Variants in LRP1B observed in about 807,000 individuals in gnomAD.
LRP1B encodes low-density lipoprotein receptor-related protein 1B.
Under a neutral mutation model 556.6 loss-of-function variants are expected in LRP1B, and 217 were observed. That is an observed-to-expected ratio of 0.39 (90% CI 0.35 to 0.44). The LOEUF (loss-of-function observed/expected upper bound fraction) is 0.44, where lower values mean the gene tolerates loss of function less well. Ranked by LOEUF, LRP1B falls within the 20% of genes least tolerant of loss-of-function variation. The probability of loss-of-function intolerance (pLI) is 1.00; values close to 1 mark genes in which losing one functional copy is unlikely to be tolerated. For synonymous variants in LRP1B, 2,047 were observed against 1,865.8 expected (o/e 1.10, Z -2.50); for missense variants, 5,053 against 5,620.8 (o/e 0.90, Z 3.23).
intron 63 of LRP1B, 105 bp downstream of exon 63, chr2:140,450,463 T>G: frequency 1.2e-6 from 1 of 842,662 alleles, no homozygotes; most frequent in Non-Finnish European, 1.9e-6. Flanking sequence ...ATTTCAATTT[T>G]GGAAAAGTGT....
In LRP1B at chr2:140,353,047, G is replaced by A; in HGVS notation, c.11556C>T (p.Gly3852=). Residue 3852 remains glycine (G), a synonymous_variant, in exon 76 of 91, where the codon GGC becomes GGT. Transcript: ENST00000389484. ...CATTTATACATTGATGGGAACATGT[G>A]CCAAACACCAAACATTCATTAAGGT... is the stretch of plus-strand genomic sequence containing the variant. ...CEDLNECLVF[G]TCSHQCINVE... 1.2e-6 allele frequency: 2 copies of A among 1,612,756 alleles called. No homozygotes were observed. Among genetic ancestry groups the A allele is most frequent in the Non-Finnish European group, 1.7e-6 (2 of 1,179,352 alleles).
rs147393331 is a variant in LRP1B, at chr2:140,671,571, C to T, written c.6799+28679G>A. ...CCGTTTTCTTGTCTTTTCCAGTTTC[C>T]AGGGAACATGCACATTCCTTGGCCT... On this transcript the variant is annotated intron_variant, in intron 41 of 90. Transcript: ENST00000389484. Among the ~76,000 whole-genome samples the T allele has an allele frequency of 3.8e-3, 577 of 152,258 alleles. 2 individuals are homozygous for T. Among genetic ancestry groups the T allele is most frequent in the Non-Finnish European group, 5.8e-3 (395 of 68,014 alleles).
At chr2:140,816,171 G>A (rs1278660582) in intron 31 of LRP1B, among the ~76,000 whole-genome samples, 1 of 151,744 alleles carries the variant, frequency 6.6e-6, no homozygotes, top group African/African-American at 2.4e-5. Flanking sequence ...AGGCTGGAGT[G>A]AACTGGCATG....
intron 33 of LRP1B, among the ~76,000 whole-genome samples, chr2:140,775,431 T>TAATGTATG (rs1168337638): frequency 1.3e-5 from 2 of 149,762 alleles, no homozygotes; most frequent in African/African-American, 4.9e-5. Flanking sequence ...TGGAAGAGAC[T>TAATGTATG]AATGTATGAA....
At chr2:141,826,615 T>TC (rs1696938255) in intron 1 of LRP1B, among the ~76,000 whole-genome samples, 1 of 152,046 alleles carries the variant, frequency 6.6e-6, no homozygotes, top group Non-Finnish European at 1.5e-5. Context: ...CACCTCAGCC[T>TC]CCCAAAGTGC....
chr2:141,245,608 CTTATG>C (rs1321120642), intron 5 of LRP1B, among the ~76,000 whole-genome samples: 2 of 152,086 alleles, frequency 1.3e-5, no homozygotes, highest in Non-Finnish European at 2.9e-5. Context: ...ATAGTATTTC[CTTATG>C]TTATTTTCAA....
At chr2:140,251,098 T>C (rs1200904350) in intron 86 of LRP1B, among the ~76,000 whole-genome samples, 1 of 151,754 alleles carries the variant, frequency 6.6e-6, no homozygotes, top group Non-Finnish European at 1.5e-5. Context: ...CTATAATGTT[T>C]TGTTTCAATT....
intron 32 of LRP1B, among the ~76,000 whole-genome samples, chr2:140,788,830 TA>T (rs1690004295): frequency 6.6e-6 from 1 of 152,160 alleles, no homozygotes; most frequent in African/African-American, 2.4e-5. Context: ...TTAAAAGAGA[TA>T]ATTAAGTTGA....
Position 141,365,961 on chromosome 2 carries a change from C to A in LRP1B, c.344-111320G>T, listed in dbSNP as rs191580339. On this transcript the variant is annotated intron_variant, in intron 3 of 90. Coordinates refer to ENST00000389484, the MANE Select transcript of LRP1B (RefSeq NM_018557.3). ...GTGCCAGGATTACAGGCATGCGCCACCGCACCCGGCCAACAAGTTCTAATT... is the reference window on the plus strand; with the variant it reads ...GTGCCAGGATTACAGGCATGCGCCAACGCACCCGGCCAACAAGTTCTAATT... Among the ~76,000 whole-genome samples the A allele has an allele frequency of 1.3e-3, 205 of 152,292 alleles. 5 individuals carry two copies. Among genetic ancestry groups the A allele is most frequent in the Non-Finnish European group, 2.4e-4 (16 of 68,016 alleles).
At chr2:140,921,631 C>G (rs1316137785) in intron 21 of LRP1B, among the ~76,000 whole-genome samples, 1 of 151,856 alleles carries the variant, frequency 6.6e-6, no homozygotes, top group African/African-American at 2.4e-5. Context: ...ACAAATAACC[C>G]TAAAATTATG....
intron 43 of LRP1B, among the ~76,000 whole-genome samples, chr2:140,583,762 G>T (rs1681873911): frequency 7.0e-6 from 1 of 143,242 alleles, no homozygotes; most frequent in South Asian, 2.2e-4. Flanking sequence ...TTAGCATCTT[G>T]ATTTTTATTT....
chr2:141,969,322 T>C (rs1009876007), intron 1 of LRP1B, among the ~76,000 whole-genome samples: 1 of 151,596 alleles, frequency 6.6e-6, no homozygotes, highest in African/African-American at 2.4e-5. Context: ...TCATTTACTA[T>C]ATTCACCATG....
chr2:141,582,054 T>G (rs1686972433), intron 2 of LRP1B, among the ~76,000 whole-genome samples: 1 of 152,224 alleles, frequency 6.6e-6, no homozygotes, highest in Non-Finnish European at 1.5e-5. Flanking sequence ...TCAATTTTTC[T>G]TTCCCTAAGG....
rs541872522 is a variant in LRP1B, at chr2:141,380,599, C to G, written c.343+99797G>C. 5.1e-4 allele frequency among the ~76,000 whole-genome samples: 78 copies of G among 152,188 alleles called. No individual in the cohort carries two copies. In the South Asian group the frequency reaches 0.015, roughly 30 times the overall value. On this transcript the variant is annotated intron_variant, in intron 3 of 90. Coordinates refer to ENST00000389484, the MANE Select transcript of LRP1B (RefSeq NM_018557.3). ...TTGGAATTCATTAGGCCTCTAGGTG[C>G]AAAAAGAGCAAAGAGATGATTTCAA... is the stretch of plus-strand genomic sequence containing the variant.
At chr2:141,596,790 T>A (rs1687540558) in intron 2 of LRP1B, among the ~76,000 whole-genome samples, 1 of 152,000 alleles carries the variant, frequency 6.6e-6, no homozygotes, top group Non-Finnish European at 1.5e-5. Flanking sequence ...CAATACCAAA[T>A]GTGATGTTCA....
At chr2:142,111,233 A>G (rs1242300786) in intron 1 of LRP1B, among the ~76,000 whole-genome samples, 1 of 152,114 alleles carries the variant, frequency 6.6e-6, no homozygotes, top group Non-Finnish European at 1.5e-5. Context: ...TTCTATACTC[A>G]CAACATCCCT....
chr2:141,866,632 A>T (rs1356707818), intron 1 of LRP1B, among the ~76,000 whole-genome samples: 3 of 152,150 alleles, frequency 2.0e-5, no homozygotes, highest in Non-Finnish European at 4.4e-5. Flanking sequence ...TGTTAATTCC[A>T]TAGGAACCGA....
intron 1 of LRP1B, among the ~76,000 whole-genome samples, chr2:141,996,124 C>T (rs1318108979): frequency 2.0e-5 from 3 of 150,860 alleles, no homozygotes; most frequent in African/African-American, 4.9e-5. Context: ...TGGTGGCGGG[C>T]GCCTGCAGTC....
chr2:141,959,757 G>A (rs949822476), intron 1 of LRP1B, among the ~76,000 whole-genome samples: 1 of 151,834 alleles, frequency 6.6e-6, no homozygotes, highest in Non-Finnish European at 1.5e-5. Context: ...AATCTGGTGT[G>A]TCTTTTACAA....
Sources: gnomAD v4.1 joint callset for allele counts (sites outside exome capture counted in the v4.1 genomes callset) on GRCh38, gnomAD v4.1.1 for gene constraint, MANE v1.5 for transcripts, NCBI Gene and HGNC (gene_info 2026-07-23, HGNC 2026-07-21) for gene names.